The following NFX1 variants were observed in gnomAD, a reference collection of about 807,000 sequenced individuals.
NFX1 encodes the protein nuclear transcription factor, X-box binding 1.
Under a neutral mutation model 137.2 loss-of-function variants are expected in NFX1, and 69 were observed. The observed-to-expected ratio is 0.50, with a 90% CI of 0.41 to 0.61. The LOEUF is 0.61. Ranked by LOEUF, NFX1 falls within the 20% of genes least tolerant of loss-of-function variation. The probability of loss-of-function intolerance (pLI) is 0.00; values close to 1 mark genes in which losing one functional copy is unlikely to be tolerated. For synonymous variants in NFX1, 495 were observed against 474.1 expected, an observed-to-expected ratio of 1.04 and a Z score of -0.57; for missense variants, 1,167 against 1,391.0, an observed-to-expected ratio of 0.84 and a Z score of 2.56.
intron 10 of NFX1, among the ~76,000 whole-genome samples, chr9:33,331,915 G>C (rs867647943): frequency 2.0e-5 from 3 of 152,074 alleles, no homozygotes; most frequent in African/African-American, 7.2e-5. Flanking sequence ...GCAAAATTAC[G>C]TGATAGACCT....
At chr9:33,303,915 C>T (rs754472586) in intron 4 of NFX1, among the ~76,000 whole-genome samples, 2 of 152,006 alleles carry the variant, frequency 1.3e-5, no homozygotes, top group African/African-American at 2.4e-5. Context: ...GTCTGTCTCC[C>T]TCCCTGAAGC....
chr9:33,367,677 G>T, intron 23 of NFX1, 58 bp downstream of exon 23: 1 of 1,547,852 alleles, frequency 6.5e-7, no homozygotes, highest in Non-Finnish European at 8.9e-7. Flanking sequence ...GCTAGCAGGG[G>T]CTGAATTGTC....
intron 19 of NFX1, among the ~76,000 whole-genome samples, chr9:33,356,134 C>T (rs560347755): frequency 4.6e-5 from 7 of 152,292 alleles, no homozygotes; most frequent in South Asian, 4.1e-4. Context: ...ACATTTTTGT[C>T]AGCACTTGAA....
intron 2 of NFX1, among the ~76,000 whole-genome samples, chr9:33,300,130 C>T (rs1250590383): frequency 7.8e-6 from 1 of 128,432 alleles, no homozygotes; most frequent in Non-Finnish European, 1.5e-5. Context: ...GGTGCAATCT[C>T]GGCTCACTGC....
At chr9:33,348,786 AC>A (rs1313467377) in intron 15 of NFX1, 5 of 984,972 alleles carry the variant, frequency 5.1e-6, no homozygotes, top group Non-Finnish European at 4.8e-6. Flanking sequence ...GAAATACTCT[AC>A]CATTCTGGCA....
At chr9:33,362,623 AGGGAGGTT>A (rs1377846078) in intron 19 of NFX1, among the ~76,000 whole-genome samples, 1 of 150,710 alleles carries the variant, frequency 6.6e-6, no homozygotes, top group Non-Finnish European at 1.5e-5. Context: ...AGGGTGGAAA[AGGGAGGTT>A]GAGGAGAGGT....
intron 23 of NFX1, 86 bp from the exon 24 acceptor site, chr9:33,369,819 TA>T: frequency 1.1e-6 from 1 of 914,486 alleles, no homozygotes; most frequent in Non-Finnish European, 1.7e-6. Flanking sequence ...TCACAAATGG[TA>T]AATCAGCTGA....
intron 2 of NFX1, 107 bp downstream of exon 2, chr9:33,295,534 T>C (rs1270895327): frequency 7.9e-7 from 1 of 1,268,164 alleles, no homozygotes; most frequent in Non-Finnish European, 1.1e-6. Flanking sequence ...AAAGTTACAC[T>C]GTAAAAAGTC....
chr9:33,302,721 G>C (rs1821616945), intron 3 of NFX1, among the ~76,000 whole-genome samples: 1 of 151,556 alleles, frequency 6.6e-6, no homozygotes, highest in Non-Finnish European at 1.5e-5. Flanking sequence ...CCAGGCTGGA[G>C]TGCAGTGGCA....
At position 33,303,237 on chromosome 9, in the gene NFX1, A is replaced by C. The variant is rs779126884; in HGVS notation, c.1239A>C (p.Ala413=). The change falls in exon 4 of 24, where the codon GCA becomes GCC. Residue 413 remains alanine (A), a synonymous_variant. Transcript: ENST00000379540. ...GCCCTGCCTGTCAGAATGTTTCTGC[A>C]CATGTTCCTAATACCTACACTTGTT... ...WRCPACQNVS[A]HVPNTYTCFC... The C allele has an allele frequency of 6.2e-6, 10 of 1,613,998 alleles. No homozygotes were observed. In the East Asian group the frequency reaches 2.2e-4, roughly 36 times the overall value.
intron 19 of NFX1, among the ~76,000 whole-genome samples, chr9:33,359,562 A>G (rs968977445): frequency 4.6e-5 from 7 of 152,022 alleles, no homozygotes; most frequent in African/African-American, 1.7e-4. Flanking sequence ...TGGCGCCACC[A>G]CACTCTAGCC....
At position 33,295,560 on chromosome 9, in the gene NFX1, T is replaced by C. The variant is rs376743181; in HGVS notation, c.1033+133T>C. On this transcript the variant is annotated intron_variant, in intron 2 of 23. Coordinates refer to ENST00000379540, the MANE Select transcript of NFX1 (RefSeq NM_002504.6). ...GTAAAAAGTCTCAATCTTTATTCAC[T>C]GTCTGCCTAAGTTCTACCACCACTC... 44 of 1,085,354 alleles carry C rather than the reference T, an allele frequency of 4.1e-5. No individual in the cohort carries two copies. In the South Asian group the frequency reaches 7.1e-4, roughly 17 times the overall value. 67.2% of individuals were successfully genotyped at this position (1,085,354 alleles called of 1,614,324 possible). A position where few individuals can be genotyped will look rare whatever the true frequency, so the allele number is the denominator to read the frequency against.
At chr9:33,358,218 G>A (rs1325822051) in intron 19 of NFX1, among the ~76,000 whole-genome samples, 1 of 150,848 alleles carries the variant, frequency 6.6e-6, no homozygotes, top group Non-Finnish European at 1.5e-5. Context: ...TCCACCTCCC[G>A]GGTTCACGCC....
intron 12 of NFX1, among the ~76,000 whole-genome samples, chr9:33,339,161 T>C (rs1421421605): frequency 6.6e-6 from 1 of 152,190 alleles, no homozygotes; most frequent in Non-Finnish European, 1.5e-5. Flanking sequence ...CATGTATATA[T>C]AAATGTGTAT....
chr9:33,331,301 A>C (rs990491340), intron 10 of NFX1, among the ~76,000 whole-genome samples: 2 of 152,286 alleles, frequency 1.3e-5, no homozygotes, highest in Non-Finnish European at 2.9e-5. Context: ...TAGATAAATA[A>C]AACATTTCTT....
At chr9:33,305,666 T>C (rs909210136) in intron 4 of NFX1, among the ~76,000 whole-genome samples, 5 of 152,154 alleles carry the variant, frequency 3.3e-5, no homozygotes, top group African/African-American at 1.2e-4. Context: ...TAGAAAAATA[T>C]GGTGTTAGGT....
Position 33,369,983 on chromosome 9 carries a change from A to G in NFX1, c.*5A>G. ...TATTTTGACGTCCAGGACTAAGAAG[A>G]TCATGATGCACTTAGATAAAAGAAT... On this transcript the variant is annotated 3_prime_UTR_variant, in exon 24 of 24. Coordinates refer to ENST00000379540, the MANE Select transcript of NFX1 (RefSeq NM_002504.6). 6.2e-7 allele frequency: 1 copy of G among 1,605,296 alleles called. No homozygotes were observed. Among genetic ancestry groups the G allele is most frequent in the Non-Finnish European group, 8.5e-7 (1 of 1,172,550 alleles).
intron 15 of NFX1, 85 bp downstream of exon 15, chr9:33,347,202 CAAAGT>C: frequency 9.7e-7 from 1 of 1,031,752 alleles, no homozygotes; most frequent in South Asian, 1.5e-5. Context: ...CATCGTCTGT[CAAAGT>C]AAATACACTC....
intron 9 of NFX1, among the ~76,000 whole-genome samples, chr9:33,321,383 C>A (rs994662279): frequency 6.6e-6 from 1 of 152,146 alleles, no homozygotes; most frequent in Non-Finnish European, 1.5e-5. Flanking sequence ...CAATGACTGT[C>A]AGGTTTGTTC....
Sources: allele counts gnomAD v4.1 joint callset (sites outside exome capture counted in the v4.1 genomes callset), GRCh38; gene constraint gnomAD v4.1.1; transcripts MANE v1.5; gene names NCBI Gene and HGNC (gene_info 2026-07-23, HGNC 2026-07-21).